Variants in ADAM12 observed in about 807,000 individuals in gnomAD.
ADAM12 encodes the protein ADAM metallopeptidase domain 12.
A neutral mutation model predicts 106.4 loss-of-function variants in ADAM12; 70 were observed. That is an observed-to-expected ratio of 0.66 (90% CI 0.54 to 0.80). ADAM12 has a LOEUF of 0.80. ADAM12 is among the 30% of genes least tolerant of loss of function. The pLI is 0.00. For synonymous variants in ADAM12, 420 were observed against 433.5 expected (o/e 0.97, Z 0.39); for missense variants, 1,010 against 1,171.9 (o/e 0.86, Z 2.02).
At chr10:126,142,044 A>G (rs10901534) in intron 4 of ADAM12, among the ~76,000 whole-genome samples, 49,277 of 152,126 alleles carry the variant, frequency 0.32, 8,331 homozygotes, top group Non-Finnish European at 0.38. Flanking sequence ...GGCAGGAACT[A>G]AAATCCAGGC....
rs777678777 is a variant in ADAM12 at position 126,149,519 on chromosome 10, C to A, written c.339+5708G>T. Among the ~76,000 whole-genome samples the A allele has an allele frequency of 9.2e-5, 14 of 152,244 alleles. 1 individual carries two copies. In the South Asian group the frequency reaches 1.7e-3, roughly 18 times the overall value. On this transcript the variant is annotated intron_variant, in intron 4 of 22. Transcript: ENST00000448723. ...CCTGGGTGTGTCTGTGAGGGTGTTG[C>A]CAAAGGAGATTAACATTTGAGTCAG...
At chr10:126,297,213 A>C (rs1010055547) in intron 2 of ADAM12, among the ~76,000 whole-genome samples, 1 of 152,178 alleles carries the variant, frequency 6.6e-6, no homozygotes, top group East Asian at 1.9e-4. Flanking sequence ...CATAATTCAC[A>C]GTGAAGTCAG....
At chr10:126,316,908 C>T (rs1266724055) in intron 2 of ADAM12, among the ~76,000 whole-genome samples, 5 of 151,944 alleles carry the variant, frequency 3.3e-5, no homozygotes, top group African/African-American at 1.2e-4. Flanking sequence ...ATACAGCACA[C>T]TTCATTTTAA....
At chr10:126,065,590 G>T (rs1220352820) in intron 13 of ADAM12, among the ~76,000 whole-genome samples, 3 of 152,142 alleles carry the variant, frequency 2.0e-5, no homozygotes, top group African/African-American at 7.2e-5. Context: ...TCAGCTTTTT[G>T]TGGTTGAAGA....
intron 4 of ADAM12, among the ~76,000 whole-genome samples, chr10:126,140,898 G>T (rs1226360101): frequency 1.3e-5 from 2 of 152,164 alleles, no homozygotes; most frequent in African/African-American, 2.4e-5. Context: ...GGGGTGGGGG[G>T]TGACCCTCTT....
At chr10:126,180,172 T>C (rs1957287971) in intron 3 of ADAM12, among the ~76,000 whole-genome samples, 1 of 152,160 alleles carries the variant, frequency 6.6e-6, no homozygotes. Context: ...CCAGGTACTA[T>C]TAATATCCAA....
rs569033805 is a variant in ADAM12 at position 126,105,041 on chromosome 10, C to T, written c.741+3552G>A. Among the ~76,000 whole-genome samples the T allele has an allele frequency of 3.0e-4, 45 of 152,284 alleles. No individual in the cohort carries two copies. The South Asian group carries it at 7.9e-3, about 27-fold the overall frequency. On this transcript the variant is annotated intron_variant, in intron 8 of 22. Coordinates refer to ENST00000448723, the MANE Select transcript of ADAM12 (RefSeq NM_001288973.2). ...TGGGTATCTCCTCCAAGGTCTTTGG[C>T]GTCTGCTGGGGATGGACAGGGATGT...
chr10:126,312,843 G>A (rs1056521608), intron 2 of ADAM12, among the ~76,000 whole-genome samples: 11 of 152,216 alleles, frequency 7.2e-5, no homozygotes, highest in Middle Eastern at 3.4e-3. Context: ...CCCTCTCATC[G>A]CAGCCACATA....
At chr10:126,376,414 G>C (rs976446189) in intron 1 of ADAM12, among the ~76,000 whole-genome samples, 1 of 152,184 alleles carries the variant, frequency 6.6e-6, no homozygotes, top group African/African-American at 2.4e-5. Flanking sequence ...TGTTGAAACT[G>C]AGTGATAGAA....
At chr10:126,175,705 C>A (rs993727857) in intron 3 of ADAM12, among the ~76,000 whole-genome samples, 13 of 152,184 alleles carry the variant, frequency 8.5e-5, no homozygotes, top group South Asian at 2.1e-4. Flanking sequence ...GTGCTGGGGG[C>A]AGTTGGGAAA....
At chr10:126,067,376 A>G (rs1467111893) in intron 12 of ADAM12, among the ~76,000 whole-genome samples, 1 of 152,236 alleles carries the variant, frequency 6.6e-6, no homozygotes, top group Non-Finnish European at 1.5e-5. Flanking sequence ...CATCACTCGG[A>G]AAGTCAGAAA....
At chr10:126,056,626 T>TATCCAGTTGGCCAG (rs1158928932) in intron 14 of ADAM12, among the ~76,000 whole-genome samples, 2 of 104,096 alleles carry the variant, frequency 1.9e-5, no homozygotes, top group African/African-American at 6.5e-5. Flanking sequence ...TGCTTACTCT[T>TATCCAGTTGGCCAG]GAGTGTGATA....
At chr10:126,244,262 T>C (rs1958586061) in intron 3 of ADAM12, among the ~76,000 whole-genome samples, 1 of 152,188 alleles carries the variant, frequency 6.6e-6, no homozygotes, top group African/African-American at 2.4e-5. Flanking sequence ...CATACAGAAC[T>C]CTGAGAGATC....
At chr10:126,042,833 A>G (rs1300997705) in intron 18 of ADAM12, among the ~76,000 whole-genome samples, 1 of 152,248 alleles carries the variant, frequency 6.6e-6, no homozygotes, top group Non-Finnish European at 1.5e-5. Flanking sequence ...CACTCAGTCA[A>G]AGCAGAGAGC....
At chr10:126,079,140 C>T (rs1955160993) in intron 11 of ADAM12, among the ~76,000 whole-genome samples, 1 of 152,226 alleles carries the variant, frequency 6.6e-6, no homozygotes, top group Non-Finnish European at 1.5e-5. Context: ...TTAATAAGCT[C>T]TGCAGACGAT....
At chr10:126,100,984 G>A in intron 9 of ADAM12, 88 bp downstream of exon 9, 1 of 1,435,410 alleles carries the variant, frequency 7.0e-7, no homozygotes, top group Non-Finnish European at 9.5e-7. Context: ...GCAGAAAGGT[G>A]GCAGCTCCTG....
intron 10 of ADAM12, among the ~76,000 whole-genome samples, chr10:126,095,657 T>C (rs918898095): frequency 2.0e-5 from 3 of 150,854 alleles, no homozygotes; most frequent in African/African-American, 7.3e-5. Context: ...GTGGGACCAG[T>C]GGCTTTATAA....
rs114118546 is a variant in ADAM12, at chr10:126,387,903, C to A, written c.88+155G>T. Among the ~76,000 whole-genome samples, 687 of 136,472 alleles carry A rather than the reference C, an allele frequency of 5.0e-3. 7 individuals carry two copies. Among genetic ancestry groups the A allele is most frequent in the African/African-American group, 0.019 (665 of 34,708 alleles). 89.5% of individuals were successfully genotyped at this position (136,472 alleles called of 152,430 possible). ...GAATTGGCACCTGGGGGGGGGGGGTCGGTCTCGCCGCGCTGGAAGCGCAAG... is the reference window on the plus strand; with the variant it reads ...GAATTGGCACCTGGGGGGGGGGGGTAGGTCTCGCCGCGCTGGAAGCGCAAG... On this transcript the variant is annotated intron_variant, in intron 1 of 22. Coordinates refer to ENST00000448723, the MANE Select transcript of ADAM12 (RefSeq NM_001288973.2).
chr10:126,055,842 GTGC>G (rs1225193573), intron 14 of ADAM12, among the ~76,000 whole-genome samples: 3 of 152,330 alleles, frequency 2.0e-5, no homozygotes, highest in East Asian at 3.9e-4. Context: ...CATGTCTCAG[GTGC>G]TGAACTGACC....
Sources: allele counts gnomAD v4.1 joint callset (sites outside exome capture counted in the v4.1 genomes callset), GRCh38; gene constraint gnomAD v4.1.1; transcripts MANE v1.5; gene names NCBI Gene and HGNC (gene_info 2026-07-23, HGNC 2026-07-21).